The following PDE10A variants were observed in gnomAD, a reference collection of about 807,000 sequenced individuals.
The protein encoded by PDE10A is phosphodiesterase 10A, also known as cAMP and cAMP-inhibited cGMP 3',5'-cyclic phosphodiesterase 10A.
PDE10A carries 39 observed loss-of-function variants against 97.7 expected under a neutral mutation model. That is an observed-to-expected ratio of 0.40 (90% CI 0.31 to 0.52). The LOEUF (loss-of-function observed/expected upper bound fraction) is 0.52. Among genes scored for constraint, PDE10A ranks in the 20% least tolerant of loss-of-function variants. The pLI, the probability that PDE10A is intolerant of heterozygous loss-of-function variation, is 0.56. For synonymous variants in PDE10A, 371 were observed against 376.8 expected (o/e 0.98, Z 0.18); for missense variants, 731 against 1,047.8 (o/e 0.70, Z 4.17).
intron 1 of PDE10A, among the ~76,000 whole-genome samples, chr6:165,754,598 G>A (rs1461284672): frequency 1.3e-5 from 2 of 152,148 alleles, no homozygotes; most frequent in African/African-American, 4.8e-5. Context: ...GTATGTGTGT[G>A]TGTATACATA....
At chr6:165,353,745 G>A (rs1257733023) in intron 18 of PDE10A, among the ~76,000 whole-genome samples, 1 of 152,148 alleles carries the variant, frequency 6.6e-6, no homozygotes, top group East Asian at 1.9e-4. Flanking sequence ...GGAATGAATA[G>A]GCTGAGCACA....
rs1447246071 is a variant in PDE10A at position 165,331,897 on chromosome 6, GCT to G, written c.*1126_*1127del. 2.0e-5 allele frequency: 3 copies of G among 152,152 alleles called. No individual in the cohort carries two copies. The highest frequency in any genetic ancestry group is 2.9e-5 in the Non-Finnish European group (2 of 68,022). The allele number at this position is 152,152 out of a possible 1,614,324, so 9.4% of individuals were successfully genotyped here. Reference sequence around the variant, plus strand: ...GTCCAACATGATTGTACTACTTTCTGCTCTGTTTCTGTGCTATGGACAGAAAG... The same window carrying G: ...GTCCAACATGATTGTACTACTTTCTGCTGTTTCTGTGCTATGGACAGAAAG... On this transcript the variant is annotated 3_prime_UTR_variant, in exon 22 of 22. Transcript: ENST00000539869.
intron 1 of PDE10A, among the ~76,000 whole-genome samples, chr6:165,691,106 T>TCTCTCTC (rs143783728): frequency 0.073 from 2,830 of 38,998 alleles, 628 homozygotes; most frequent in South Asian, 0.15. Context: ...TCTTTCTCTC[T>TCTCTCTC]CCCCCCCCCC....
chr6:165,563,940 T>C (rs1325920364), intron 1 of PDE10A, among the ~76,000 whole-genome samples: 2 of 151,344 alleles, frequency 1.3e-5, no homozygotes, highest in East Asian at 3.9e-4. Flanking sequence ...AACATACATG[T>C]ACCTACAGAT....
upstream of PDE10A, among the ~76,000 whole-genome samples, chr6:165,663,463 C>T (rs1790400398): frequency 6.6e-6 from 1 of 152,218 alleles, no homozygotes; most frequent in Non-Finnish European, 1.5e-5. Context: ...ATCCTGAGTC[C>T]TGCAGCTGCT....
At chr6:165,349,371 T>C (rs943171290) in intron 18 of PDE10A, among the ~76,000 whole-genome samples, 2 of 150,100 alleles carry the variant, frequency 1.3e-5, no homozygotes, top group Non-Finnish European at 1.5e-5. Context: ...TCACTCTTGC[T>C]ATGCAAAGAG....
rs1779504496 is a variant in PDE10A at position 165,819,350 on chromosome 6, A to G, written c.-615+168179T>C. Among the ~76,000 whole-genome samples the G allele has an allele frequency of 6.6e-6, 1 of 152,074 alleles. No individual in the cohort carries two copies. The highest frequency in any genetic ancestry group is 2.4e-5 in the African/African-American group (1 of 41,386). On this transcript the variant is annotated intron_variant, in intron 1 of 19. Transcript: ENST00000366882. The surrounding 1 kb of genome is among the most constrained non-coding windows in gnomAD (Gnocchi z 4.2). ...TTCTTTAAAATCCCCACTTCCCCTG[A>G]GAGATTCAGATGCTCATCCTCAGCT...
At chr6:165,425,925 CA>C (rs914599098) in intron 10 of PDE10A, among the ~76,000 whole-genome samples, 8 of 150,448 alleles carry the variant, frequency 5.3e-5, no homozygotes, top group African/African-American at 2.0e-4. Context: ...AGTATAAAAT[CA>C]AAAAATAAAG....
chr6:165,894,507 A>G (rs942165981), intron 1 of PDE10A: 1 of 456,086 alleles, frequency 2.2e-6, no homozygotes. Context: ...TTCGTGTGCA[A>G]AAGATGTGGG....
chr6:165,406,227 G>GGTGTGTGTGTGTGTGTGT (rs1562431357), intron 13 of PDE10A, among the ~76,000 whole-genome samples: 1 of 30,454 alleles, frequency 3.3e-5, no homozygotes, highest in African/African-American at 1.9e-4. Flanking sequence ...GAGGGAAAAG[G>GGTGTGTGTGTGTGTGTGT]ATGTGTGTGT....
At chr6:165,468,386 G>T (rs1778790289) in intron 3 of PDE10A, among the ~76,000 whole-genome samples, 1 of 151,916 alleles carries the variant, frequency 6.6e-6, no homozygotes. Flanking sequence ...CTGCACCTGG[G>T]CATTATTTTT....
chr6:165,774,185 T>G (rs1263500674), intron 1 of PDE10A, among the ~76,000 whole-genome samples: 1 of 152,112 alleles, frequency 6.6e-6, no homozygotes, highest in Non-Finnish European at 1.5e-5. Context: ...CTTCTAAAAA[T>G]GGGAAGATAA....
At chr6:165,799,183 C>A (rs1346070799) in intron 1 of PDE10A, among the ~76,000 whole-genome samples, 2 of 152,204 alleles carry the variant, frequency 1.3e-5, no homozygotes, top group South Asian at 2.1e-4. Flanking sequence ...AAGCCCACCC[C>A]TGATGTGGAG....
chr6:165,830,679 A>G (rs746137432), intron 1 of PDE10A, among the ~76,000 whole-genome samples: 3 of 152,156 alleles, frequency 2.0e-5, no homozygotes, highest in Non-Finnish European at 4.4e-5. Flanking sequence ...CCTTCCATGG[A>G]TTATGAACGG....
At chr6:165,925,529 A>AT (rs1782907230) in intron 1 of PDE10A, among the ~76,000 whole-genome samples, 1 of 152,274 alleles carries the variant, frequency 6.6e-6, no homozygotes, top group Non-Finnish European at 1.5e-5. Flanking sequence ...ACAAACTGGT[A>AT]TGTCCACACC....
chr6:165,913,473 A>T (rs1460877552), intron 1 of PDE10A, among the ~76,000 whole-genome samples: 1 of 152,218 alleles, frequency 6.6e-6, no homozygotes, highest in Non-Finnish European at 1.5e-5. Context: ...AATATCTAAC[A>T]CAATGTAAAT....
intron 2 of PDE10A, among the ~76,000 whole-genome samples, chr6:165,489,431 T>C (rs536408754): frequency 3.3e-5 from 5 of 152,234 alleles, no homozygotes; most frequent in African/African-American, 1.2e-4. Context: ...CCCCATGGGA[T>C]AAAAGAATCT....
At chr6:165,634,589 A>G (rs1425956110) in intron 1 of PDE10A, among the ~76,000 whole-genome samples, 1 of 152,198 alleles carries the variant, frequency 6.6e-6, no homozygotes. Context: ...GAAGAAAGCA[A>G]ACAAGAGGTA....
intron 13 of PDE10A, among the ~76,000 whole-genome samples, chr6:165,412,314 T>C (rs572148781): frequency 1.3e-5 from 2 of 152,294 alleles, no homozygotes; most frequent in South Asian, 4.1e-4. Flanking sequence ...TGTTTTTTAA[T>C]ATATTATAAT....
Sources: allele counts gnomAD v4.1 joint callset (sites outside exome capture counted in the v4.1 genomes callset), GRCh38; gene constraint gnomAD v4.1.1; non-coding constraint Gnocchi (gnomAD v3.1); transcripts MANE v1.5; gene names NCBI Gene and HGNC (gene_info 2026-07-23, HGNC 2026-07-21).